ELMO1: variants seen among roughly 807,000 people sequenced by gnomAD.
ELMO1 encodes the protein engulfment and cell motility 1.
A neutral mutation model predicts 98.9 loss-of-function variants in ELMO1; 26 were observed. That is an observed-to-expected ratio of 0.26 (90% CI 0.19 to 0.36). ELMO1 has a LOEUF of 0.36. ELMO1 is among the 10% of genes least tolerant of loss of function. ELMO1 has a pLI of 1.00. For synonymous variants in ELMO1, 346 were observed against 346.0 expected (o/e 1.00, Z 0.00); for missense variants, 627 against 935.2 (o/e 0.67, Z 4.30).
intron 13 of ELMO1, among the ~76,000 whole-genome samples, chr7:37,158,046 A>C (rs1281927994): frequency 6.6e-6 from 1 of 152,220 alleles, no homozygotes; most frequent in Non-Finnish European, 1.5e-5. Context: ...CAAAAACAAG[A>C]AATAGGGAAA....
intron 14 of ELMO1, among the ~76,000 whole-genome samples, chr7:37,120,980 T>A (rs1316232089): frequency 6.6e-6 from 1 of 152,194 alleles, no homozygotes; most frequent in Admixed American, 6.5e-5. Flanking sequence ...TATTCGCTGT[T>A]CTGCAGCCTC....
chr7:37,248,086 T>C (rs990009739), intron 6 of ELMO1, among the ~76,000 whole-genome samples: 4 of 152,018 alleles, frequency 2.6e-5, no homozygotes, highest in African/African-American at 9.7e-5. Context: ...TGAGTCACAG[T>C]GCTTCTTACT....
intron 1 of ELMO1, chr7:37,393,885 C>T (rs1440376399): frequency 6.6e-6 from 1 of 152,144 alleles, no homozygotes; most frequent in African/African-American, 2.4e-5. Context: ...TCTTCTCTGC[C>T]TTGTATGGTA....
intron 1 of ELMO1, among the ~76,000 whole-genome samples, chr7:37,392,978 G>T (rs1428413985): frequency 2.6e-5 from 4 of 152,144 alleles, no homozygotes; most frequent in African/African-American, 9.7e-5. Context: ...GTTTTCTCTT[G>T]GTTGTGCCCC....
chr7:37,161,417 C>G (rs1241181428), intron 13 of ELMO1, among the ~76,000 whole-genome samples: 2 of 152,090 alleles, frequency 1.3e-5, no homozygotes, highest in African/African-American at 2.4e-5. Context: ...ATCTCCATCC[C>G]CGGGGTTTTA....
chr7:37,200,728 G>T (rs1309171229), intron 13 of ELMO1, among the ~76,000 whole-genome samples: 3 of 152,136 alleles, frequency 2.0e-5, no homozygotes, highest in African/African-American at 7.2e-5. Flanking sequence ...CACCTTGGGA[G>T]GCCAAGGCGG....
At chr7:37,048,392 T>C (rs968861005) in intron 15 of ELMO1, among the ~76,000 whole-genome samples, 3 of 152,238 alleles carry the variant, frequency 2.0e-5, no homozygotes, top group Non-Finnish European at 2.9e-5. Flanking sequence ...GGCAACCAGT[T>C]ACATTATATA....
intron 16 of ELMO1, among the ~76,000 whole-genome samples, chr7:36,994,107 C>T (rs1792045077): frequency 6.6e-6 from 1 of 152,086 alleles, no homozygotes; most frequent in Non-Finnish European, 1.5e-5. Context: ...AACATGTCGC[C>T]CTGTGTTTCC....
At chr7:36,974,022 C>CA (rs1019121788) in intron 16 of ELMO1, among the ~76,000 whole-genome samples, 9 of 152,248 alleles carry the variant, frequency 5.9e-5, no homozygotes, top group African/African-American at 2.2e-4. Flanking sequence ...GAGCCTCCCC[C>CA]CCACTCCGTG....
At chr7:36,960,173 C>CA (rs1483943618) in intron 16 of ELMO1, among the ~76,000 whole-genome samples, 1 of 152,186 alleles carries the variant, frequency 6.6e-6, no homozygotes, top group Non-Finnish European at 1.5e-5. Flanking sequence ...ATTGGGTACT[C>CA]ACTTTCCTGT....
At chr7:37,084,508 G>A (rs750400275) in intron 15 of ELMO1, among the ~76,000 whole-genome samples, 23 of 152,192 alleles carry the variant, frequency 1.5e-4, no homozygotes, top group Non-Finnish European at 2.6e-4. Context: ...AAAGCAGTGG[G>A]TGATAGCATT....
At chr7:37,121,895 G>T (rs924130277) in intron 14 of ELMO1, among the ~76,000 whole-genome samples, 40 of 152,260 alleles carry the variant, frequency 2.6e-4, no homozygotes, top group African/African-American at 9.4e-4. Context: ...GAAAGGACGG[G>T]TTACCCACAA....
chr7:37,195,483 G>A (rs1791911552), intron 13 of ELMO1, among the ~76,000 whole-genome samples: 8 of 152,206 alleles, frequency 5.3e-5, no homozygotes, highest in Admixed American at 5.2e-4. Flanking sequence ...ATTCTACAGT[G>A]AGCCACTCAG....
chr7:37,277,244 C>G (rs1297250632), intron 4 of ELMO1, among the ~76,000 whole-genome samples: 1 of 152,188 alleles, frequency 6.6e-6, no homozygotes, highest in East Asian at 1.9e-4. Flanking sequence ...TGGCAGAGAC[C>G]TGGGGGTGAC....
intron 14 of ELMO1, among the ~76,000 whole-genome samples, chr7:37,123,026 T>C (rs1786192073): frequency 6.6e-6 from 1 of 152,078 alleles, no homozygotes; most frequent in African/African-American, 2.4e-5. Context: ...AACCTGCTCC[T>C]GAATGACTAC....
At position 37,140,625 on chromosome 7, in the gene ELMO1, A is replaced by G. The variant is rs150983153; in HGVS notation, c.1087-7391T>C. ...CACAGAATGGGAGAAAATATTCACAATCTATACATCTGACCAAAAGACTAA... is the reference window on the plus strand; with the variant it reads ...CACAGAATGGGAGAAAATATTCACAGTCTATACATCTGACCAAAAGACTAA... On this transcript the variant is annotated intron_variant, in intron 13 of 21. Coordinates refer to ENST00000310758, the MANE Select transcript of ELMO1 (RefSeq NM_014800.11). Among the ~76,000 whole-genome samples the G allele has an allele frequency of 9.3e-4, 142 of 152,344 alleles. 1 individual carries two copies. Among genetic ancestry groups the G allele is most frequent in the African/African-American group, 3.2e-3 (135 of 41,576 alleles).
At chr7:37,160,870 G>A (rs1240179197) in intron 13 of ELMO1, among the ~76,000 whole-genome samples, 1 of 152,148 alleles carries the variant, frequency 6.6e-6, no homozygotes, top group African/African-American at 2.4e-5. Flanking sequence ...GCAGACATAG[G>A]GGGCAGCACA....
At chr7:36,993,389 G>A (rs1791995671) in intron 16 of ELMO1, among the ~76,000 whole-genome samples, 1 of 152,176 alleles carries the variant, frequency 6.6e-6, no homozygotes, top group African/African-American at 2.4e-5. Flanking sequence ...AACCAACTAA[G>A]TGTGTGCCTA....
At chr7:36,948,007 A>G (rs773969552) in intron 16 of ELMO1, among the ~76,000 whole-genome samples, 2 of 152,344 alleles carry the variant, frequency 1.3e-5, no homozygotes, top group South Asian at 4.1e-4. Context: ...GACACAGTCA[A>G]GTGAGTTATT....
Sources: gnomAD v4.1 joint callset for allele counts (sites outside exome capture counted in the v4.1 genomes callset) on GRCh38, gnomAD v4.1.1 for gene constraint, MANE v1.5 for transcripts, NCBI Gene and HGNC (gene_info 2026-07-23, HGNC 2026-07-21) for gene names.